Variants in LGR4 observed in about 807,000 individuals in gnomAD.
LGR4 encodes leucine-rich repeat-containing G protein-coupled receptor 4.
A neutral mutation model predicts 84.8 loss-of-function variants in LGR4; 44 were observed. That is an observed-to-expected ratio of 0.52 (90% CI 0.41 to 0.67). The LOEUF is 0.67. Among genes scored for constraint, LGR4 ranks in the 30% least tolerant of loss-of-function variants. LGR4 has a pLI of 0.00. For missense variants in LGR4, 1,032 were observed against 1,131.4 expected, an observed-to-expected ratio of 0.91 and a Z score of 1.26; for synonymous variants, 429 against 434.3, an observed-to-expected ratio of 0.99 and a Z score of 0.15.
rs566704461 is a variant in LGR4, at chr11:27,385,843, A to C, written c.402-375T>G. 4.1e-3 allele frequency among the ~76,000 whole-genome samples: 627 copies of C among 151,700 alleles called. 3 individuals carry two copies. The highest frequency in any genetic ancestry group is 6.4e-3 in the Non-Finnish European group (435 of 67,862). Reference sequence around the variant, plus strand: ...AAAAAAAAAAGAAACTAAACTGACCAAATAGGCTACTTTGCTTCCAATGTT... The same window carrying C: ...AAAAAAAAAAGAAACTAAACTGACCCAATAGGCTACTTTGCTTCCAATGTT... On this transcript the variant is annotated intron_variant, in intron 4 of 17. Coordinates refer to ENST00000379214, the MANE Select transcript of LGR4 (RefSeq NM_018490.5).
At position 27,441,752 on chromosome 11, in the gene LGR4, G is replaced by T. The variant is rs529736185; in HGVS notation, c.186-28892C>A. On this transcript the variant is annotated intron_variant, in intron 1 of 17. Coordinates refer to ENST00000379214, the MANE Select transcript of LGR4 (RefSeq NM_018490.5). Reference sequence around the variant, plus strand: ...AAGGCTGAAGTGGAGTTGAGACAGGGCTCACCAATGTGATGGAGATAAATG... The same window carrying T: ...AAGGCTGAAGTGGAGTTGAGACAGGTCTCACCAATGTGATGGAGATAAATG... Among the ~76,000 whole-genome samples, 75 of 152,254 alleles carry T rather than the reference G, an allele frequency of 4.9e-4. No individual in the cohort carries two copies. In the South Asian group the frequency reaches 6.0e-3, roughly 12 times the overall value.
chr11:27,373,151 C>G (rs901280533), intron 15 of LGR4: 2 of 153,006 alleles, frequency 1.3e-5, no homozygotes, highest in Non-Finnish European at 2.9e-5. Context: ...TGCGAGCCAC[C>G]ACGCTCGGCC....
chr11:27,445,914 G>C (rs1365093681), intron 1 of LGR4, among the ~76,000 whole-genome samples: 1 of 151,920 alleles, frequency 6.6e-6, no homozygotes, highest in Non-Finnish European at 1.5e-5. Context: ...CCACATATTT[G>C]ATGTTCATGG....
intron 17 of LGR4, 70 bp from the exon 18 acceptor site, chr11:27,369,213 C>A: frequency 8.1e-7 from 1 of 1,231,858 alleles, no homozygotes; most frequent in Non-Finnish European, 1.1e-6. Context: ...AATGATATGG[C>A]TTGATAGAAA....
At chr11:27,384,218 A>C in intron 6 of LGR4, 118 bp downstream of exon 6, 1 of 671,384 alleles carries the variant, frequency 1.5e-6, no homozygotes, top group South Asian at 1.9e-5. Flanking sequence ...ATCCAGTATC[A>C]AAGTGAATTA....
Position 27,367,909 on chromosome 11 carries a change from AG to A in LGR4, c.2813del (p.Pro938LeufsTer20). On this transcript the variant is annotated frameshift_variant, in exon 18 of 18. Coordinates refer to ENST00000379214, the MANE Select transcript of LGR4 (RefSeq NM_018490.5). LOFTEE classifies it high-confidence loss of function. ...GTAGATTGTAAGCATAGCGCACCAA[AG>A]GGAATCCTCTACTCTGGTAGAAGCA... is the stretch of plus-strand genomic sequence containing the variant. ...RACFYQSRGF[P>X]LVRYAYNLPR... 3 of 1,606,386 alleles carry A rather than the reference AG, an allele frequency of 1.9e-6. No individual in the cohort carries two copies. Among genetic ancestry groups the A allele is most frequent in the Non-Finnish European group, 2.5e-6 (3 of 1,178,042 alleles).
chr11:27,401,627 T>C (rs115769402), intron 2 of LGR4, among the ~76,000 whole-genome samples: 158 of 152,354 alleles, frequency 1.0e-3, no homozygotes, highest in African/African-American at 3.7e-3. Context: ...CCAGGACATT[T>C]CTCATTTCAT....
At position 27,472,448 on chromosome 11, in the gene LGR4, A is replaced by G; in HGVS notation, c.-146T>C. 2.0e-6 allele frequency: 1 copy of G among 495,408 alleles called. No homozygotes were observed. The highest frequency in any genetic ancestry group is 3.1e-6 in the Non-Finnish European group (1 of 319,492). The allele number at this position is 495,408 out of a possible 1,614,324, so 30.7% of individuals were successfully genotyped here. Reference sequence around the variant, plus strand: ...CGGTCCGCGCGGGCTCGGCCCCTTCAGCAGTCCGCCGCAGCGGCGCAGGGA... The same window carrying G: ...CGGTCCGCGCGGGCTCGGCCCCTTCGGCAGTCCGCCGCAGCGGCGCAGGGA... On this transcript the variant is annotated 5_prime_UTR_variant, in exon 1 of 18. An upstream open reading frame in the 5' UTR loses its in-frame stop. Transcript: ENST00000379214.
Position 27,372,369 on chromosome 11 carries a change from C to T in LGR4, c.1409G>A (p.Cys470Tyr). The part of the protein sequence containing the change: ...RSLSVPYAYQ[C>Y]CAFWGCDSYA... ...AGAGTCACAACCCCAAAATGCACAG[C>T]ACTGATAAGCATATGGTACTGATAA... Residue 470 changes from cysteine (C) to tyrosine (Y), a missense_variant, in exon 16 of 18, where the codon TGC becomes TAC. Coordinates refer to ENST00000379214, the MANE Select transcript of LGR4 (RefSeq NM_018490.5). 6.2e-7 allele frequency: 1 copy of T among 1,612,396 alleles called. No homozygotes were observed. Among genetic ancestry groups the T allele is most frequent in the Non-Finnish European group, 8.5e-7 (1 of 1,178,560 alleles).
At chr11:27,386,761 A>G (rs1196720716) in intron 4 of LGR4, among the ~76,000 whole-genome samples, 1 of 152,216 alleles carries the variant, frequency 6.6e-6, no homozygotes, top group Non-Finnish European at 1.5e-5. Flanking sequence ...ATCTGATGGA[A>G]GCTTTCTTTC....
intron 7 of LGR4, 137 bp downstream of exon 7, chr11:27,382,051 T>A (rs912506095): frequency 7.9e-6 from 5 of 632,182 alleles, no homozygotes; most frequent in Non-Finnish European, 5.6e-6. Flanking sequence ...AATCCAACTT[T>A]ATGATTATTT....
At chr11:27,411,772 T>C (rs1339583078) in intron 2 of LGR4, among the ~76,000 whole-genome samples, 1 of 152,152 alleles carries the variant, frequency 6.6e-6, no homozygotes, top group African/African-American at 2.4e-5. Flanking sequence ...TTAACTACTA[T>C]TTCAATATTC....
chr11:27,463,268 G>C (rs1446038793), intron 1 of LGR4, among the ~76,000 whole-genome samples: 2 of 151,446 alleles, frequency 1.3e-5, no homozygotes, highest in African/African-American at 4.9e-5. Flanking sequence ...AAAAAGACTG[G>C]GGAGTTGATA....
At chr11:27,432,891 C>A (rs940993104) in intron 1 of LGR4, among the ~76,000 whole-genome samples, 5 of 152,222 alleles carry the variant, frequency 3.3e-5, no homozygotes, top group Non-Finnish European at 5.9e-5. Flanking sequence ...CTTTTTTTCC[C>A]ACTACACCAT....
intron 1 of LGR4, among the ~76,000 whole-genome samples, chr11:27,422,549 T>C (rs987459171): frequency 6.6e-6 from 1 of 152,222 alleles, no homozygotes; most frequent in African/African-American, 2.4e-5. Flanking sequence ...TGTTTCAGCA[T>C]GTACCTGCTT....
Position 27,368,479 on chromosome 11 carries a change from A to T in LGR4, c.2244T>A (p.His748Gln), listed in dbSNP as rs2133357755. 6.2e-7 allele frequency: 1 copy of T among 1,614,228 alleles called. No individual in the cohort carries two copies. Among genetic ancestry groups the T allele is most frequent in the Non-Finnish European group, 8.5e-7 (1 of 1,180,032 alleles). Residue 748 changes from histidine to glutamine, a missense_variant, in exon 18 of 18, where the codon CAT (histidine) becomes CAA (glutamine). Transcript: ENST00000379214. ...SENSQSSMIK[H>Q]VAWLIFTNCI... is the part of the protein sequence containing the mutation. ...AATTGGTGAAGATTAGCCAAGCGAC[A>T]TGCTTAATCATGCTAGATTGTGAGT...
intron 1 of LGR4, among the ~76,000 whole-genome samples, chr11:27,431,229 A>T (rs113221200): frequency 6.6e-6 from 1 of 152,296 alleles, no homozygotes; most frequent in Non-Finnish European, 1.5e-5. Context: ...TGGGAATGAG[A>T]ATTTGATAGA....
intron 11 of LGR4, 116 bp downstream of exon 11, chr11:27,378,581 A>G (rs1242868503): frequency 5.4e-6 from 4 of 739,016 alleles, no homozygotes; most frequent in Non-Finnish European, 9.3e-6. Context: ...TACAACAACT[A>G]AGAAGTAATT....
rs1862768531 is a variant in LGR4 at position 27,366,522 on chromosome 11, CT to C, written c.*1344del. ...GTTTAATTATTAAACTGCAATCTAG[CT>C]GGATTTTTTTAGTATATTCAGAATA... On this transcript the variant is annotated 3_prime_UTR_variant, in exon 18 of 18. Transcript: ENST00000379214. 6.6e-6 allele frequency: 1 copy of C among 152,422 alleles called. No individual in the cohort carries two copies. Among genetic ancestry groups the C allele is most frequent in the Non-Finnish European group, 1.5e-5 (1 of 67,936 alleles). 9.4% of individuals were successfully genotyped at this position (152,422 alleles called of 1,614,324 possible).
Sources: allele counts gnomAD v4.1 joint callset (sites outside exome capture counted in the v4.1 genomes callset), GRCh38; gene constraint gnomAD v4.1.1; transcripts MANE v1.5; gene names NCBI Gene and HGNC (gene_info 2026-07-23, HGNC 2026-07-21).